Variants in DLAT observed in about 807,000 individuals in gnomAD.
The protein encoded by DLAT is dihydrolipoamide S-acetyltransferase.
Under a neutral mutation model 68.0 loss-of-function variants are expected in DLAT, and 43 were observed. That is an observed-to-expected ratio of 0.63 (90% CI 0.50 to 0.81). DLAT has a LOEUF of 0.81. Among genes scored for constraint, DLAT ranks in the 40% least tolerant of loss-of-function variants. The pLI is 0.00. For missense variants in DLAT, 745 were observed against 815.4 expected (o/e 0.91, Z 1.05); for synonymous variants, 265 against 288.6 (o/e 0.92, Z 0.83).
intron 11 of DLAT, among the ~76,000 whole-genome samples, chr11:112,059,663 G>T (rs1269892524): frequency 6.6e-6 from 1 of 152,132 alleles, no homozygotes; most frequent in Non-Finnish European, 1.5e-5. Flanking sequence ...AAAGTGTTGG[G>T]ATTACAGGCA....
At chr11:112,048,391 C>T (rs1417426000) in intron 10 of DLAT, among the ~76,000 whole-genome samples, 1 of 152,180 alleles carries the variant, frequency 6.6e-6, no homozygotes, top group Admixed American at 6.5e-5. Flanking sequence ...GGTTTTCTAA[C>T]TATACAATCA....
chr11:112,053,119 C>T (rs1052064879), intron 11 of DLAT, among the ~76,000 whole-genome samples: 2 of 151,972 alleles, frequency 1.3e-5, no homozygotes, highest in Admixed American at 1.3e-4. Context: ...GTCAGGAGTT[C>T]GAGACCAGCC....
intron 2 of DLAT, among the ~76,000 whole-genome samples, 155 bp downstream of exon 2, chr11:112,026,454 A>G (rs1422635612): frequency 1.3e-5 from 2 of 152,052 alleles, no homozygotes; most frequent in Non-Finnish European, 2.9e-5. Flanking sequence ...TGGTTTTCCT[A>G]GGCAGAGGAT....
intron 13 of DLAT, 146 bp from the exon 14 acceptor site, chr11:112,062,260 T>G: frequency 6.0e-6 from 5 of 828,748 alleles, no homozygotes; most frequent in South Asian, 1.7e-5. Flanking sequence ...GCTATAAATT[T>G]GAGCTAAAGG....
At chr11:112,027,581 T>G (rs1221268718) in intron 2 of DLAT, among the ~76,000 whole-genome samples, 3 of 151,806 alleles carry the variant, frequency 2.0e-5, no homozygotes, top group Non-Finnish European at 2.9e-5. Context: ...CGAGCCGAGA[T>G]CACGCCACTG....
Position 112,061,131 on chromosome 11 carries a change from G to A in DLAT, c.1771G>A (p.Gly591Ser), listed in dbSNP as rs1388530412. ...NPPQACILAIGASEDKLVPAD... is the reference protein window; with the variant it reads ...NPPQACILAISASEDKLVPAD... The stretch of plus-strand genomic sequence containing the variant: ...ACCTCAAGCATGTATTTTGGCAATT[G>A]GTGCTTCAGAGGATAAACTGGTCCC... Residue 591 changes from glycine to serine, a missense_variant, in exon 13 of 14, where the codon GGT (glycine) becomes AGT (serine). Coordinates refer to ENST00000280346, the MANE Select transcript of DLAT (RefSeq NM_001931.5). 1.2e-6 allele frequency: 2 copies of A among 1,614,058 alleles called. No individual in the cohort carries two copies.
rs2137754185 is a variant in DLAT, at chr11:112,037,473, C to T, written c.975+13C>T. 3 of 1,613,562 alleles carry T rather than the reference C, an allele frequency of 1.9e-6. No individual in the cohort carries two copies. The highest frequency in any genetic ancestry group is 2.5e-6 in the Non-Finnish European group (3 of 1,179,530). ...TACCCCACCCCCGGTAGGTATGCTT[C>T]TAGAATTCAGGAAACACTTACCTTG... On this transcript the variant is annotated intron_variant, in intron 6 of 13. Coordinates refer to ENST00000280346, the MANE Select transcript of DLAT (RefSeq NM_001931.5).
chr11:112,039,157 A>G, intron 6 of DLAT, 87 bp from the exon 7 acceptor site: 1 of 1,275,282 alleles, frequency 7.8e-7, no homozygotes, highest in Non-Finnish European at 1.1e-6. Flanking sequence ...AAATAGTTTT[A>G]ATTTATTAAT....
chr11:112,064,216 T>C lies in DLAT; in HGVS notation c.*1681T>C. On this transcript the variant is annotated 3_prime_UTR_variant, in exon 14 of 14. Coordinates refer to ENST00000280346, the MANE Select transcript of DLAT (RefSeq NM_001931.5). ...CTTTCGCTAATGCTTGTGGTTCTGTTGTTCCCTTGAAAAAAAATAAAAACA... is the reference window on the plus strand; with the variant it reads ...CTTTCGCTAATGCTTGTGGTTCTGTCGTTCCCTTGAAAAAAAATAAAAACA... 6.4e-7 allele frequency: 1 copy of C among 1,563,154 alleles called. No individual in the cohort carries two copies. Among genetic ancestry groups the C allele is most frequent in the Non-Finnish European group, 8.6e-7 (1 of 1,156,416 alleles).
rs1279849842 is a variant in DLAT, at chr11:112,026,180, C to T, written c.280-18C>T. 1.3e-6 allele frequency: 2 copies of T among 1,587,968 alleles called. No individual in the cohort carries two copies. The highest frequency in any genetic ancestry group is 2.7e-5 in the African/African-American group (2 of 74,438). On this transcript the variant is annotated intron_variant, in intron 1 of 13. Coordinates refer to ENST00000280346, the MANE Select transcript of DLAT (RefSeq NM_001931.5). ...GTAGTCCTTAAAAATTTTAATGTTT[C>T]TTCTTTTCCTTTTCCAGGTTCCATT... is the stretch of plus-strand genomic sequence containing the variant.
intron 8 of DLAT, among the ~76,000 whole-genome samples, chr11:112,044,065 T>C (rs1863180839): frequency 6.6e-6 from 1 of 152,248 alleles, no homozygotes; most frequent in East Asian, 1.9e-4. Flanking sequence ...ATATACTACA[T>C]TGACATGTAT....
In DLAT at chr11:112,051,818, T is replaced by C. The variant is rs1863655377; in HGVS notation, c.1514+469T>C. 6.6e-6 allele frequency among the ~76,000 whole-genome samples: 1 copy of C among 152,212 alleles called. No homozygotes were observed. The highest frequency in any genetic ancestry group is 6.5e-5 in the Admixed American group (1 of 15,282). On this transcript the variant is annotated intron_variant, in intron 11 of 13. Coordinates refer to ENST00000280346, the MANE Select transcript of DLAT (RefSeq NM_001931.5). This position sits in a 1 kb window ranked among gnomAD's most constrained non-coding sequence, Gnocchi z 4.3. ...TGTGTAATTAAGTTGATAATGACTG[T>C]CACAAAGCAGGGTTAAACAGATGAT...
intron 10 of DLAT, among the ~76,000 whole-genome samples, chr11:112,049,181 G>A (rs1019476969): frequency 2.0e-5 from 3 of 151,836 alleles, no homozygotes; most frequent in Admixed American, 1.3e-4. Context: ...GGGTTTCACC[G>A]TGTTAGCCAG....
chr11:112,061,947 A>G (rs1864656257), intron 13 of DLAT, among the ~76,000 whole-genome samples: 1 of 152,168 alleles, frequency 6.6e-6, no homozygotes, highest in Admixed American at 6.5e-5. Context: ...AATTATATAT[A>G]TATAAAAAAT....
chr11:112,059,981 A>G lies in DLAT; in HGVS notation c.1593A>G (p.Ile531Met). The change falls in exon 12 of 14, where the codon ATA (isoleucine) becomes ATG (methionine). Residue 531 changes from isoleucine to methionine, a missense_variant. Physicochemically the swap from Ile to Met is conservative, Grantham distance 10. Transcript: ENST00000280346. ...LITPIVFNAH[I>M]KGVETIANDV... is the part of the protein sequence containing the mutation. ...CACCTATTGTGTTTAATGCACATAT[A>G]AAAGGAGTGGAAACCATTGCTAATG... 2 of 1,613,954 alleles carry G rather than the reference A, an allele frequency of 1.2e-6. No individual in the cohort carries two copies. Among genetic ancestry groups the G allele is most frequent in the Non-Finnish European group, 1.7e-6 (2 of 1,179,898 alleles).
In DLAT at chr11:112,056,504, T is replaced by C. The variant is rs188613293; in HGVS notation, c.1515-3399T>C. 6.5e-3 allele frequency among the ~76,000 whole-genome samples: 987 copies of C among 152,362 alleles called. 10 individuals are homozygous for C. The highest frequency in any genetic ancestry group is 9.1e-3 in the Non-Finnish European group (616 of 68,044). ...ATGTTTTTGAGACTCATCCATGTTG[T>C]AGCATGTATCTGTAGTTTATTCTTT... On this transcript the variant is annotated intron_variant, in intron 11 of 13. Transcript: ENST00000280346.
chr11:112,054,678 A>G (rs1415789909), intron 11 of DLAT, among the ~76,000 whole-genome samples: 7 of 152,204 alleles, frequency 4.6e-5, no homozygotes, highest in African/African-American at 1.7e-4. Flanking sequence ...TAAACTGTAT[A>G]GTTTTCCAGG....
intron 12 of DLAT, among the ~76,000 whole-genome samples, 169 bp from the exon 13 acceptor site, chr11:112,060,869 A>G (rs1183366801): frequency 1.3e-5 from 2 of 152,160 alleles, no homozygotes; most frequent in African/African-American, 2.4e-5. Flanking sequence ...TCCGGCTGAC[A>G]TTTTTGTTCA....
chr11:112,030,030 G>T, intron 4 of DLAT: 2 of 1,002,042 alleles, frequency 2.0e-6, no homozygotes, highest in Non-Finnish European at 3.1e-6. Context: ...ACCGCTGTTT[G>T]CCGTGGAAAG....
Sources: gnomAD v4.1 joint callset for allele counts (sites outside exome capture counted in the v4.1 genomes callset) on GRCh38, gnomAD v4.1.1 for gene constraint, Gnocchi (gnomAD v3.1) non-coding constraint, MANE v1.5 for transcripts, NCBI Gene and HGNC (gene_info 2026-07-23, HGNC 2026-07-21) for gene names.